The following BCAR3 variants were observed in gnomAD, a reference collection of about 807,000 sequenced individuals.
BCAR3 encodes the protein BCAR3 adaptor protein, NSP family member.
Under a neutral mutation model 80.1 loss-of-function variants are expected in BCAR3, and 37 were observed. The ratio of observed to expected loss-of-function variants is 0.46; its 90% CI spans 0.36 to 0.61. BCAR3 has a LOEUF of 0.61. Ranked by LOEUF, BCAR3 falls within the 20% of genes least tolerant of loss-of-function variation. The pLI, the probability that BCAR3 is intolerant of heterozygous loss-of-function variation, is 0.00. For synonymous variants in BCAR3, 389 were observed against 418.9 expected, an observed-to-expected ratio of 0.93 and a Z score of 0.87; for missense variants, 978 against 1,068.2, an observed-to-expected ratio of 0.92 and a Z score of 1.18.
At chr1:93,659,459 C>T (rs1328554219) in intron 2 of BCAR3, among the ~76,000 whole-genome samples, 2 of 151,982 alleles carry the variant, frequency 1.3e-5, no homozygotes, top group African/African-American at 4.8e-5. Flanking sequence ...TCCCAAAATG[C>T]TGAGATTATA....
At chr1:93,624,243 C>G (rs1675393768) in intron 3 of BCAR3, among the ~76,000 whole-genome samples, 1 of 152,224 alleles carries the variant, frequency 6.6e-6, no homozygotes, top group Non-Finnish European at 1.5e-5. Flanking sequence ...TGTGGAAGGC[C>G]ACAGGACCCA....
chr1:93,759,204 G>T (rs756231690), intron 2 of BCAR3, among the ~76,000 whole-genome samples: 1 of 152,120 alleles, frequency 6.6e-6, no homozygotes, highest in Non-Finnish European at 1.5e-5. Context: ...AAAGGCTTTT[G>T]CCACCAACAA....
chr1:93,619,270 C>T (rs1407900668), intron 3 of BCAR3, among the ~76,000 whole-genome samples: 1 of 152,030 alleles, frequency 6.6e-6, no homozygotes, highest in Admixed American at 6.6e-5. Context: ...TAGTTTCTGT[C>T]TCTAGTGATA....
chr1:93,719,340 T>TTTTG (rs1553167696), intron 2 of BCAR3, among the ~76,000 whole-genome samples: 1 of 128,650 alleles, frequency 7.8e-6, no homozygotes, highest in African/African-American at 3.0e-5. Context: ...TCTTGTTTTT[T>TTTTG]TTTTTTTTTT....
At chr1:93,787,912 T>C (rs765885017) in intron 2 of BCAR3, among the ~76,000 whole-genome samples, 3 of 152,240 alleles carry the variant, frequency 2.0e-5, no homozygotes, top group East Asian at 1.9e-4. Flanking sequence ...CAGTGGAGTA[T>C]TGAAGTCCCT....
intron 2 of BCAR3, among the ~76,000 whole-genome samples, chr1:93,815,949 A>G (rs1654002202): frequency 6.6e-6 from 1 of 152,230 alleles, no homozygotes; most frequent in Non-Finnish European, 1.5e-5. Context: ...AGCCATGTGT[A>G]TAGTACACTC....
At chr1:93,846,620 C>T (rs1325720330) in intron 1 of BCAR3, among the ~76,000 whole-genome samples, 1 of 152,064 alleles carries the variant, frequency 6.6e-6, no homozygotes, top group South Asian at 2.1e-4. Flanking sequence ...TCGCAGCCAC[C>T]AGGAAACCCC....
At chr1:93,809,957 T>C (rs898318838) in intron 2 of BCAR3, among the ~76,000 whole-genome samples, 1 of 151,714 alleles carries the variant, frequency 6.6e-6, no homozygotes, top group East Asian at 1.9e-4. Context: ...TCCCAGAACT[T>C]TGGGAGGTCA....
chr1:93,698,394 C>T (rs1344704968), intron 3 of BCAR3, among the ~76,000 whole-genome samples: 1 of 152,148 alleles, frequency 6.6e-6, no homozygotes, highest in African/African-American at 2.4e-5. Context: ...TAAAAGGAAC[C>T]CAGGATCTGG....
At chr1:93,763,160 C>A (rs1652013929) in intron 2 of BCAR3, among the ~76,000 whole-genome samples, 1 of 152,170 alleles carries the variant, frequency 6.6e-6, no homozygotes, top group Admixed American at 6.5e-5. Flanking sequence ...AACTCCCAGG[C>A]TCAGGCAATC....
intron 2 of BCAR3, among the ~76,000 whole-genome samples, chr1:93,755,864 T>C (rs1187307502): frequency 6.6e-6 from 1 of 152,212 alleles, no homozygotes; most frequent in Admixed American, 6.5e-5. Context: ...CAGGGACTTT[T>C]GTATCATTTA....
chr1:93,824,755 C>T (rs1411511838), intron 2 of BCAR3, among the ~76,000 whole-genome samples: 1 of 134,168 alleles, frequency 7.5e-6, no homozygotes, highest in African/African-American at 2.5e-5. Context: ...ACATATTTTT[C>T]ATGCGCTCTG....
intron 2 of BCAR3, among the ~76,000 whole-genome samples, chr1:93,654,956 A>C (rs756570771): frequency 6.6e-6 from 1 of 152,226 alleles, no homozygotes; most frequent in Non-Finnish European, 1.5e-5. Context: ...TTTCCCCTGG[A>C]ATACAACCCT....
intron 3 of BCAR3, among the ~76,000 whole-genome samples, chr1:93,641,736 G>A (rs1675982751): frequency 6.6e-6 from 1 of 152,134 alleles, no homozygotes; most frequent in Non-Finnish European, 1.5e-5. Flanking sequence ...CTGTTGGAAT[G>A]GAAAAGATGA....
intron 2 of BCAR3, among the ~76,000 whole-genome samples, chr1:93,831,647 A>T (rs1557702975): frequency 6.6e-6 from 1 of 150,836 alleles, no homozygotes. Flanking sequence ...CCAAGCTCTG[A>T]CTCCTTTGAA....
At chr1:93,817,285 C>T (rs931164543) in intron 2 of BCAR3, among the ~76,000 whole-genome samples, 4 of 152,196 alleles carry the variant, frequency 2.6e-5, no homozygotes, top group East Asian at 1.9e-4. Context: ...ACCCCCAGTG[C>T]GGGGGGCAGC....
At chr1:93,718,688 C>CTTTTTTTTTTT (rs71094259) in intron 2 of BCAR3, among the ~76,000 whole-genome samples, 1 of 77,042 alleles carries the variant, frequency 1.3e-5, no homozygotes, top group Non-Finnish European at 2.4e-5. Flanking sequence ...CATTGTTTTT[C>CTTTTTTTTTTT]TTTTTTTTTT....
chr1:93,639,997 G>A (rs972132727), intron 3 of BCAR3, among the ~76,000 whole-genome samples: 3 of 152,112 alleles, frequency 2.0e-5, no homozygotes, highest in Non-Finnish European at 4.4e-5. Flanking sequence ...CCTACTGGAA[G>A]GGGCCTTTAT....
At chr1:93,707,004 G>A (rs1355952037) in intron 2 of BCAR3, among the ~76,000 whole-genome samples, 6 of 151,148 alleles carry the variant, frequency 4.0e-5, no homozygotes, top group South Asian at 2.1e-4. Context: ...GTGAAACCCC[G>A]TCTCTACTAA....
Sources: allele counts gnomAD v4.1 joint callset (sites outside exome capture counted in the v4.1 genomes callset), GRCh38; gene constraint gnomAD v4.1.1; transcripts MANE v1.5; gene names NCBI Gene and HGNC (gene_info 2026-07-23, HGNC 2026-07-21).